The following FGF12 variants were observed in gnomAD, a reference collection of about 807,000 sequenced individuals.
FGF12 encodes fibroblast growth factor 12.
Under a neutral mutation model 23.6 loss-of-function variants are expected in FGF12, and 14 were observed. The observed-to-expected ratio is 0.59, with a 90% CI of 0.39 to 0.93. The LOEUF is 0.93. FGF12 is among the 40% of genes least tolerant of loss of function. The probability of loss-of-function intolerance (pLI) is 0.00; values close to 1 mark genes in which losing one functional copy is unlikely to be tolerated. For missense variants in FGF12, 175 were observed against 217.8 expected (o/e 0.80, Z 1.24); for synonymous variants, 62 against 77.3 (o/e 0.80, Z 1.04).
chr3:192,520,276 A>C (rs1014801176), intron 2 of FGF12, among the ~76,000 whole-genome samples: 1 of 152,198 alleles, frequency 6.6e-6, no homozygotes, highest in Non-Finnish European at 1.5e-5. Flanking sequence ...CTAAGTCAAT[A>C]CCACCAGGTT....
chr3:192,652,699 G>A (rs1055924406), intron 2 of FGF12, among the ~76,000 whole-genome samples: 5 of 152,164 alleles, frequency 3.3e-5, no homozygotes, highest in African/African-American at 1.2e-4. Flanking sequence ...AGAAGTCTGT[G>A]TTTTAGCAAG....
chr3:192,656,969 A>G (rs1716451566), intron 2 of FGF12, among the ~76,000 whole-genome samples: 1 of 152,216 alleles, frequency 6.6e-6, no homozygotes, highest in Non-Finnish European at 1.5e-5. Flanking sequence ...GATAGGTATT[A>G]GTATAAAGTC....
At chr3:192,594,792 G>A (rs1009453257) in intron 2 of FGF12, among the ~76,000 whole-genome samples, 4 of 151,842 alleles carry the variant, frequency 2.6e-5, no homozygotes, top group African/African-American at 9.7e-5. Context: ...CTCAGTCTTA[G>A]ACTTCCCAGT....
chr3:192,725,800 AT>A (rs1719195452), intron 2 of FGF12, among the ~76,000 whole-genome samples: 3 of 152,218 alleles, frequency 2.0e-5, no homozygotes, highest in Non-Finnish European at 4.4e-5. Context: ...CAGCTAGAAT[AT>A]TACAAACCTT....
At chr3:192,699,981 CCT>C (rs1718241412) in intron 2 of FGF12, among the ~76,000 whole-genome samples, 1 of 152,102 alleles carries the variant, frequency 6.6e-6, no homozygotes, top group African/African-American at 2.4e-5. Flanking sequence ...TTGCTGAATC[CCT>C]GAGATGCTCC....
intron 2 of FGF12, among the ~76,000 whole-genome samples, chr3:192,468,445 T>G (rs1283139619): frequency 1.3e-5 from 2 of 152,200 alleles, no homozygotes; most frequent in Non-Finnish European, 2.9e-5. Context: ...AATCTTGTCT[T>G]TCATAATCTT....
intron 2 of FGF12, among the ~76,000 whole-genome samples, chr3:192,725,019 G>A (rs946609798): frequency 2.0e-5 from 3 of 152,130 alleles, no homozygotes; most frequent in Non-Finnish European, 4.4e-5. Context: ...GAATCTGTTG[G>A]GGGAAGAAGT....
chr3:192,540,743 T>A (rs186893398), intron 2 of FGF12, among the ~76,000 whole-genome samples: 6 of 152,308 alleles, frequency 3.9e-5, no homozygotes, highest in African/African-American at 1.4e-4. Flanking sequence ...TGTTGAAGTC[T>A]CCACCTGTGA....
At chr3:192,212,398 G>A (rs1038580978) in intron 4 of FGF12, among the ~76,000 whole-genome samples, 82 of 151,740 alleles carry the variant, frequency 5.4e-4, no homozygotes, top group Non-Finnish European at 5.4e-4. Context: ...GTTAGTTTCA[G>A]GAAAAAAAAA....
At chr3:192,266,342 A>T (rs1182302994) in intron 4 of FGF12, among the ~76,000 whole-genome samples, 1 of 152,160 alleles carries the variant, frequency 6.6e-6, no homozygotes, top group Non-Finnish European at 1.5e-5. Context: ...CACAGGGGAC[A>T]TTCAATGTTT....
chr3:192,477,263 C>T (rs759216089), intron 2 of FGF12, among the ~76,000 whole-genome samples: 4 of 152,144 alleles, frequency 2.6e-5, no homozygotes, highest in Non-Finnish European at 4.4e-5. Context: ...CTCCTGCCAG[C>T]GCTTCCCACT....
At chr3:192,440,532 C>T (rs1034079492) in intron 2 of FGF12, among the ~76,000 whole-genome samples, 9 of 152,174 alleles carry the variant, frequency 5.9e-5, no homozygotes, top group African/African-American at 2.2e-4. Flanking sequence ...CCAACAGACA[C>T]ACTGTGAGCA....
At chr3:192,417,950 G>T (rs558723251) in intron 2 of FGF12, among the ~76,000 whole-genome samples, 3 of 152,118 alleles carry the variant, frequency 2.0e-5, no homozygotes, top group East Asian at 3.9e-4. Flanking sequence ...TGAATAATTT[G>T]CCCATGTTTA....
chr3:192,619,940 G>A (rs757535522), intron 2 of FGF12, among the ~76,000 whole-genome samples: 1 of 151,988 alleles, frequency 6.6e-6, no homozygotes, highest in African/African-American at 2.4e-5. Flanking sequence ...TAACCCTTGG[G>A]GACAGGTAGC....
At position 192,593,715 on chromosome 3, in the gene FGF12, C is replaced by T. The variant is rs1463564640; in HGVS notation, c.13+133466G>A. On this transcript the variant is annotated intron_variant, in intron 2 of 5. Coordinates refer to ENST00000445105, the MANE Select transcript of FGF12 (RefSeq NM_004113.6). ...TTGGGTTTCAAAATTATTTTTTCTG[C>T]GGTGCACTTTTAAAAGTTCATTTTT... Among the ~76,000 whole-genome samples the T allele has an allele frequency of 4.0e-5, 6 of 151,874 alleles. 1 individual carries two copies. The highest frequency in any genetic ancestry group is 9.7e-5 in the African/African-American group (4 of 41,412).
At chr3:192,530,299 T>C (rs1006906828) in intron 2 of FGF12, among the ~76,000 whole-genome samples, 3 of 152,330 alleles carry the variant, frequency 2.0e-5, no homozygotes, top group Middle Eastern at 3.4e-3. Context: ...TTTTCATGTG[T>C]ACAATAGAGT....
At chr3:192,727,355 T>C (rs1217347219) in intron 1 of FGF12, 32 bp from the exon 2 acceptor site, 8 of 1,525,082 alleles carry the variant, frequency 5.2e-6, no homozygotes, top group Non-Finnish European at 7.0e-6. Flanking sequence ...ACCTTGAAGC[T>C]GCAATCAGCC....
intron 2 of FGF12, among the ~76,000 whole-genome samples, chr3:192,626,714 A>G (rs899692717): frequency 4.6e-5 from 7 of 152,022 alleles, no homozygotes; most frequent in Admixed American, 3.3e-4. Context: ...CTGGGCTCAA[A>G]CGGTCCTCCC....
intron 2 of FGF12, among the ~76,000 whole-genome samples, chr3:192,491,275 G>A (rs183152182): frequency 2.0e-5 from 3 of 152,190 alleles, no homozygotes; most frequent in East Asian, 1.9e-4. Flanking sequence ...TGACCTCTCT[G>A]ATGGCAAGGA....
Sources: gnomAD v4.1 joint callset for allele counts (sites outside exome capture counted in the v4.1 genomes callset) on GRCh38, gnomAD v4.1.1 for gene constraint, MANE v1.5 for transcripts, NCBI Gene and HGNC (gene_info 2026-07-23, HGNC 2026-07-21) for gene names.